The following PTPRT variants were observed in gnomAD, a reference collection of about 807,000 sequenced individuals.
PTPRT encodes the protein protein tyrosine phosphatase receptor type T, also known as receptor-type tyrosine-protein phosphatase T.
PTPRT carries 56 observed loss-of-function variants against 176.8 expected under a neutral mutation model. That is an observed-to-expected ratio of 0.32 (90% CI 0.26 to 0.40). The LOEUF (loss-of-function observed/expected upper bound fraction) is 0.40, where lower values mean the gene tolerates loss of function less well. PTPRT is among the 10% of genes least tolerant of loss of function. The pLI is 1.00. For missense variants in PTPRT, 1,540 were observed against 1,908.2 expected, an observed-to-expected ratio of 0.81 and a Z score of 3.60; for synonymous variants, 783 against 739.0, an observed-to-expected ratio of 1.06 and a Z score of -0.96.
intron 7 of PTPRT, among the ~76,000 whole-genome samples, chr20:42,659,053 T>C (rs1272456218): frequency 6.6e-6 from 1 of 152,216 alleles, no homozygotes; most frequent in African/African-American, 2.4e-5. Context: ...CCTTTTTTAG[T>C]GTTTTTCTGT....
chr20:42,645,828 G>A (rs938866501), intron 7 of PTPRT, among the ~76,000 whole-genome samples: 3 of 151,460 alleles, frequency 2.0e-5, no homozygotes, highest in Non-Finnish European at 2.9e-5. Context: ...GAGAGAGAGA[G>A]GCAGAATAAA....
chr20:42,110,819 T>C (rs1156264286), intron 22 of PTPRT, among the ~76,000 whole-genome samples: 2 of 152,172 alleles, frequency 1.3e-5, no homozygotes, highest in African/African-American at 4.8e-5. Context: ...AAATGTTTCA[T>C]AGGAGGTGTA....
intron 14 of PTPRT, among the ~76,000 whole-genome samples, chr20:42,246,127 A>G (rs2056446108): frequency 1.3e-5 from 2 of 152,116 alleles, no homozygotes; most frequent in Non-Finnish European, 2.9e-5. Flanking sequence ...AGCAGACTCA[A>G]TTGATCAGTG....
the PTPRT span, among the ~76,000 whole-genome samples, chr20:42,056,175 G>C: frequency 6.6e-6 from 1 of 152,012 alleles, no homozygotes; most frequent in East Asian, 1.9e-4. Flanking sequence ...AGCCAATAAG[G>C]GTGTTTCTTT....
chr20:42,837,823 A>C (rs2078208795), intron 2 of PTPRT, among the ~76,000 whole-genome samples: 1 of 152,158 alleles, frequency 6.6e-6, no homozygotes, highest in Non-Finnish European at 1.5e-5. Flanking sequence ...AGGAGAAAAT[A>C]GAATAATTTC....
chr20:42,551,001 A>G (rs982983493), intron 7 of PTPRT, among the ~76,000 whole-genome samples: 2 of 152,132 alleles, frequency 1.3e-5, no homozygotes, highest in Non-Finnish European at 2.9e-5. Context: ...ATAACTGGGT[A>G]ATGTACTTAA....
At chr20:42,059,358 G>T in the PTPRT span, among the ~76,000 whole-genome samples, 1 of 152,218 alleles carries the variant, frequency 6.6e-6, no homozygotes, top group Non-Finnish European at 1.5e-5. Flanking sequence ...CTGGAGGGCT[G>T]CCAGCAGGGG....
chr20:42,463,510 A>T (rs1416795210), intron 8 of PTPRT, among the ~76,000 whole-genome samples: 1 of 152,172 alleles, frequency 6.6e-6, no homozygotes, highest in African/African-American at 2.4e-5. Flanking sequence ...TGTGCCTTAA[A>T]GTCAGGTGGT....
chr20:42,886,483 G>T (rs1210143871), intron 1 of PTPRT, among the ~76,000 whole-genome samples: 1 of 152,202 alleles, frequency 6.6e-6, no homozygotes, highest in East Asian at 1.9e-4. Flanking sequence ...AAAAGTAACT[G>T]CCACAGAATA....
At chr20:42,976,660 G>A (rs143171142) in intron 1 of PTPRT, among the ~76,000 whole-genome samples, 5,820 of 152,120 alleles carry the variant, frequency 0.038, 282 homozygotes, top group African/African-American at 0.11. Flanking sequence ...GCCTGCCTTG[G>A]CCTCCCCAAG....
intron 7 of PTPRT, among the ~76,000 whole-genome samples, chr20:42,507,544 T>C (rs2071868843): frequency 6.6e-6 from 1 of 152,176 alleles, no homozygotes; most frequent in Admixed American, 6.5e-5. Context: ...CAGTCTTCTA[T>C]GTAAAAACAG....
At chr20:42,200,478 C>T (rs1357214545) in intron 15 of PTPRT, among the ~76,000 whole-genome samples, 1 of 152,212 alleles carries the variant, frequency 6.6e-6, no homozygotes, top group Non-Finnish European at 1.5e-5. Flanking sequence ...CCCTCCCCAA[C>T]AGCCCCACTG....
intron 9 of PTPRT, among the ~76,000 whole-genome samples, chr20:42,428,520 G>A (rs979053018): frequency 3.3e-5 from 5 of 152,060 alleles, no homozygotes; most frequent in African/African-American, 1.2e-4. Context: ...AGCCCAACTT[G>A]CCTTTTGCAA....
intron 15 of PTPRT, among the ~76,000 whole-genome samples, chr20:42,224,600 T>A (rs1440208453): frequency 6.6e-6 from 1 of 152,220 alleles, no homozygotes; most frequent in Non-Finnish European, 1.5e-5. Flanking sequence ...AGCCCTGGAT[T>A]CTCAAGCCCT....
At chr20:42,525,259 T>G (rs1241531904) in intron 7 of PTPRT, among the ~76,000 whole-genome samples, 1 of 152,230 alleles carries the variant, frequency 6.6e-6, no homozygotes, top group Admixed American at 6.5e-5. Flanking sequence ...GTGCTAGGAT[T>G]ACAGGTGTAA....
At chr20:42,042,030 G>A in the PTPRT span, among the ~76,000 whole-genome samples, 1 of 152,130 alleles carries the variant, frequency 6.6e-6, no homozygotes, top group African/African-American at 2.4e-5. Context: ...TCATCTGCTG[G>A]TGATCACTGT....
At chr20:42,978,450 C>T (rs535971028) in intron 1 of PTPRT, among the ~76,000 whole-genome samples, 1 of 152,280 alleles carries the variant, frequency 6.6e-6, no homozygotes, top group Admixed American at 6.5e-5. Flanking sequence ...CTAAACTGCT[C>T]TCCAGAAAGA....
intron 22 of PTPRT, among the ~76,000 whole-genome samples, chr20:42,113,856 C>T (rs1254835936): frequency 6.6e-6 from 1 of 152,212 alleles, no homozygotes; most frequent in Non-Finnish European, 1.5e-5. Context: ...AGTTCACAGG[C>T]TTCCTGACTT....
At chr20:43,025,761 C>T (rs1412604222) in intron 1 of PTPRT, among the ~76,000 whole-genome samples, 1 of 152,162 alleles carries the variant, frequency 6.6e-6, no homozygotes, top group Non-Finnish European at 1.5e-5. Flanking sequence ...TGGCAGAATT[C>T]AAATTCTATT....
Sources: allele counts gnomAD v4.1 joint callset (sites outside exome capture counted in the v4.1 genomes callset), GRCh38; gene constraint gnomAD v4.1.1; transcripts MANE v1.5; gene names NCBI Gene and HGNC (gene_info 2026-07-23, HGNC 2026-07-21).